The following LILRB2 variants were observed in gnomAD, a reference collection of about 807,000 sequenced individuals.
The protein encoded by LILRB2 is leukocyte immunoglobulin like receptor B2.
In LILRB2, 47 loss-of-function variants were observed where a neutral mutation model predicts 72.7. The ratio of observed to expected loss-of-function variants is 0.65; its 90% CI spans 0.51 to 0.82. The LOEUF (loss-of-function observed/expected upper bound fraction) is 0.82, where lower values mean the gene tolerates loss of function less well. Among genes scored for constraint, LILRB2 ranks in the 40% least tolerant of loss-of-function variants. The probability of loss-of-function intolerance (pLI) is 0.00; values close to 1 mark genes in which losing one functional copy is unlikely to be tolerated. For synonymous variants in LILRB2, 279 were observed against 313.7 expected (o/e 0.89, Z 1.17); for missense variants, 767 against 764.8 (o/e 1.00, Z -0.03).
At position 54,279,999 on chromosome 19, in the gene LILRB2, A is replaced by T. The variant is rs1377138677; in HGVS notation, c.147T>A (p.Cys49Ter). The change falls in exon 4 of 14, where the codon TGT becomes TGA. Residue 49 changes from cysteine (C) to a stop codon, truncating the protein, a stop_gained. Transcript: ENST00000314446. LOFTEE classifies it high-confidence loss of function. ...ACTCCTGGGCTTCAAGGCTCCCCTG[A>T]CAACTGAGGGTGACGGGACTCCCCT... ...ITQGSPVTLS[C>*]QGSLEAQEYR... The T allele has an allele frequency of 2.5e-6, 4 of 1,614,004 alleles. No individual in the cohort carries two copies. The highest frequency in any genetic ancestry group is 1.7e-5 in the Admixed American group (1 of 60,002).
chr19:54,275,940 C>T lies in LILRB2; in HGVS notation c.1647+11G>A, dbSNP rs375547293. ...AGGCCTTTGGTGCCTGGGACAGGGGCGGGGTCTCACCCGAGTGTCCATCTC... is the reference window on the plus strand; with the variant it reads ...AGGCCTTTGGTGCCTGGGACAGGGGTGGGGTCTCACCCGAGTGTCCATCTC... On this transcript the variant is annotated intron_variant, in intron 13 of 13. Transcript: ENST00000314446. 148 of 1,613,926 alleles carry T rather than the reference C, an allele frequency of 9.2e-5. No individual in the cohort carries two copies. Among genetic ancestry groups the T allele is most frequent in the South Asian group, 3.3e-4 (30 of 91,068 alleles).
Position 54,274,720 on chromosome 19 carries a change from G to T in LILRB2, c.1757C>A (p.Ala586Asp). 6.2e-7 allele frequency: 1 copy of T among 1,613,962 alleles called. No homozygotes were observed. Among genetic ancestry groups the T allele is most frequent in the Non-Finnish European group, 8.5e-7 (1 of 1,180,032 alleles). The change falls in exon 14 of 14, where the codon GCT becomes GAT. Residue 586 changes from alanine (A) to aspartate (D), a missense_variant. Physicochemically the swap from Ala to Asp is moderately radical, Grantham distance 126. Around this residue, in one of 3 missense-constraint regions of LILRB2, gnomAD observed 162 missense variants for 176.7 expected, o/e 0.92. Transcript: ENST00000314446. ...PPPSQEREPP[A>D]EPSIYATLAI... is the part of the protein sequence containing the mutation. The stretch of plus-strand genomic sequence containing the variant: ...CAGGGTGGCGTAGATGCTGGGCTCA[G>T]CTGGAGGTTCCCTTTCCTGGGATGG...
At position 54,280,725 on chromosome 19, in the gene LILRB2, C is replaced by A. The variant is rs183250360; in HGVS notation, c.-48-181G>T. 73 of 620,930 alleles carry A rather than the reference C, an allele frequency of 1.2e-4. No individual in the cohort carries two copies. In the Admixed American group the frequency reaches 1.7e-3, roughly 14 times the overall value. The allele number at this position is 620,930 out of a possible 1,614,324, so 38.5% of individuals were successfully genotyped here. On this transcript the variant is annotated intron_variant, in intron 1 of 13. Coordinates refer to ENST00000314446, the MANE Select transcript of LILRB2 (RefSeq NM_001080978.4). The stretch of plus-strand genomic sequence containing the variant: ...AGCTGAGGTGGGGGCAGGCACTGGG[C>A]CCTCTGCAGACATTTCAGACTGTAA...
rs2080494100 is a variant in LILRB2, at chr19:54,280,361, T to C, written c.35-62A>G. The C allele has an allele frequency of 8.7e-6, 14 of 1,613,950 alleles. No homozygotes were observed. In the Admixed American group the frequency reaches 1.7e-4, roughly 19 times the overall value. ...AAGCCTGAGCAGGTCCTCCCCTCCCTGGGATCTTTGTGAGCCCCTGGGGTC... is the reference window on the plus strand; with the variant it reads ...AAGCCTGAGCAGGTCCTCCCCTCCCCGGGATCTTTGTGAGCCCCTGGGGTC... On this transcript the variant is annotated intron_variant, in intron 2 of 13. Transcript: ENST00000314446.
At chr19:54,276,482 G>A (rs777874395) in intron 10 of LILRB2, 26 bp from the exon 11 acceptor site, 2 of 1,498,090 alleles carry the variant, frequency 1.3e-6, no homozygotes, top group South Asian at 1.2e-5. Context: ...CAGAGCCTCA[G>A]CCCTGGGAAC....
chr19:54,278,444 C>T lies in LILRB2; in HGVS notation c.1074G>A (p.Lys358=), dbSNP rs926993310. Residue 358 remains lysine, a synonymous_variant, in exon 7 of 14, where the codon AAG becomes AAA. Transcript: ENST00000314446. ...GGAGTGGGGCATCAGCTGCTCCCGC[C>T]TTGGTCAGAAGGAAAGTGTGGAACT... The part of the protein sequence containing the change: ...WRQFHTFLLT[K]AGAADAPLRL... 1 of 1,614,092 alleles carries T rather than the reference C, an allele frequency of 6.2e-7. No individual in the cohort carries two copies. The highest frequency in any genetic ancestry group is 8.5e-7 in the Non-Finnish European group (1 of 1,180,032).
chr19:54,280,190 T>G (rs2080483936), intron 3 of LILRB2, 74 bp downstream of exon 3: 1 of 1,612,380 alleles, frequency 6.2e-7, no homozygotes, highest in South Asian at 1.1e-5. Context: ...CTAATCCCCA[T>G]CCCCAGCTGC....
chr19:54,277,307 G>A (rs1398154377), intron 9 of LILRB2: 207 of 1,349,964 alleles, frequency 1.5e-4, no homozygotes, highest in Non-Finnish European at 2.0e-4. Context: ...AGGCCCCCGC[G>A]GAATCGAGTC....
At position 54,279,375 on chromosome 19, in the gene LILRB2, G is replaced by A; in HGVS notation, c.628C>T (p.Pro210Ser). 4 of 1,613,866 alleles carry A rather than the reference G, an allele frequency of 2.5e-6. No homozygotes were observed. The highest frequency in any genetic ancestry group is 1.7e-6 in the Non-Finnish European group (2 of 1,179,800). ...DLNSPYVWSS[P>S]SDLLELLVPG... ...ACCAGGAGCTCCAGGAGATCACTGG[G>A]TGAAGACCACACATAGGGAGAGTTC... is the stretch of plus-strand genomic sequence containing the variant. The change falls in exon 5 of 14, where the codon CCC becomes TCC. Residue 210 changes from proline to serine, a missense_variant. Transcript: ENST00000314446.
At position 54,281,067 on chromosome 19, in the gene LILRB2, T is replaced by G; in HGVS notation, c.-155A>C. The G allele has an allele frequency of 5.1e-6, 2 of 393,178 alleles. No homozygotes were observed. Among genetic ancestry groups the G allele is most frequent in the Non-Finnish European group, 9.9e-6 (2 of 202,184 alleles). 24.4% of individuals were successfully genotyped at this position (393,178 alleles called of 1,614,324 possible). On this transcript the variant is annotated 5_prime_UTR_variant, in exon 1 of 14. Coordinates refer to ENST00000314446, the MANE Select transcript of LILRB2 (RefSeq NM_001080978.4). ...AAGCATCTCGCCTCTGGCTGTGCTG[T>G]CCAGGTTGAGCTGTGTGTGGCAGTG... is the stretch of plus-strand genomic sequence containing the variant.
Position 54,280,274 on chromosome 19 carries a change from G to T in LILRB2, c.60C>A (p.Arg20=), listed in dbSNP as rs578081709. ...CLGLSLGPRT[R]VQTGTIPKPT... ...TGGGGACAGACTCACCTGTCTGCAC[G>T]CGGGTCCTGGGGCCCAGACTCAGCC... Residue 20 remains arginine (R), a synonymous_variant, in exon 3 of 14, where the codon CGC becomes CGA. Coordinates refer to ENST00000314446, the MANE Select transcript of LILRB2 (RefSeq NM_001080978.4). 3.1e-6 allele frequency: 5 copies of T among 1,614,068 alleles called. No individual in the cohort carries two copies. The highest frequency in any genetic ancestry group is 3.4e-6 in the Non-Finnish European group (4 of 1,179,990).
chr19:54,278,427 G>T lies in LILRB2; in HGVS notation c.1091C>A (p.Ala364Asp). The T allele has an allele frequency of 6.2e-7, 1 of 1,614,224 alleles. No homozygotes were observed. The highest frequency in any genetic ancestry group is 8.5e-7 in the Non-Finnish European group (1 of 1,180,022). Residue 364 changes from alanine (A) to aspartate (D), a missense_variant, in exon 7 of 14, where the codon GCC (alanine) becomes GAC (aspartate). Physicochemically the swap from Ala to Asp is moderately radical, Grantham distance 126. Coordinates refer to ENST00000314446, the MANE Select transcript of LILRB2 (RefSeq NM_001080978.4). Reference sequence around the variant, plus strand: ...GTGTATTGATCTTAGACGGAGTGGGGCATCAGCTGCTCCCGCCTTGGTCAG... The same window carrying T: ...GTGTATTGATCTTAGACGGAGTGGGTCATCAGCTGCTCCCGCCTTGGTCAG... The part of the protein sequence containing the change: ...FLLTKAGAAD[A>D]PLRLRSIHEY...
In LILRB2 at chr19:54,280,002, A is replaced by G. The variant is rs1445461449; in HGVS notation, c.144T>C (p.Ser48=). 4 of 1,613,476 alleles carry G rather than the reference A, an allele frequency of 2.5e-6. No individual in the cohort carries two copies. Among genetic ancestry groups the G allele is most frequent in the Non-Finnish European group, 3.4e-6 (4 of 1,179,884 alleles). ...CCTGGGCTTCAAGGCTCCCCTGACAACTGAGGGTGACGGGACTCCCCTGGG... is the reference window on the plus strand; with the variant it reads ...CCTGGGCTTCAAGGCTCCCCTGACAGCTGAGGGTGACGGGACTCCCCTGGG... ...VITQGSPVTL[S]CQGSLEAQEY... Residue 48 remains serine (S), a synonymous_variant, in exon 4 of 14, where the codon AGT becomes AGC. Coordinates refer to ENST00000314446, the MANE Select transcript of LILRB2 (RefSeq NM_001080978.4).
In LILRB2 at chr19:54,280,309, AG is replaced by A; in HGVS notation, c.35-11del. ...GGGCCCAGACTCAGCCCTGGAAGAGAGTTCCCTGTGAGGGATTTGCCCCCTG... is the reference window on the plus strand; with the variant it reads ...GGGCCCAGACTCAGCCCTGGAAGAGATTCCCTGTGAGGGATTTGCCCCCTG... On this transcript the variant is annotated splice_polypyrimidine_tract_variant and intron_variant, in intron 2 of 13. Transcript: ENST00000314446. The A allele has an allele frequency of 6.2e-7, 1 of 1,614,024 alleles. No homozygotes were observed. Among genetic ancestry groups the A allele is most frequent in the South Asian group, 1.1e-5 (1 of 91,082 alleles).
chr19:54,280,703 T>G, intron 1 of LILRB2, 159 bp from the exon 2 acceptor site: 3 of 890,312 alleles, frequency 3.4e-6, no homozygotes, highest in Non-Finnish European at 5.1e-6. Context: ...CTTTTAGAGC[T>G]GAGGTGGGGG....
intron 13 of LILRB2, chr19:54,275,150 C>A: frequency 1.3e-6 from 2 of 1,507,294 alleles, no homozygotes; most frequent in Non-Finnish European, 1.8e-6. Context: ...CGGGGTGATC[C>A]GATTACATCC....
Position 54,278,552 on chromosome 19 carries a change from A to G in LILRB2, c.966T>C (p.Arg322=), listed in dbSNP as rs139134770. The G allele has an allele frequency of 1.1e-4, 182 of 1,614,128 alleles. 1 individual carries two copies. The highest frequency in any genetic ancestry group is 4.3e-4 in the Admixed American group (26 of 60,024). The change falls in exon 7 of 14, where the codon CGT becomes CGC. Residue 322 remains arginine (R), a synonymous_variant. Coordinates refer to ENST00000314446, the MANE Select transcript of LILRB2 (RefSeq NM_001080978.4). ...GCTGCACTGAGATGAAGGGTGTGCC[A>G]CGGATCTGTCCTGGAGAGAAGAAGG... ...PLDILITGQI[R]GTPFISVQPG...
chr19:54,276,687 C>T (rs2080244508), intron 10 of LILRB2, 120 bp downstream of exon 10: 2 of 1,517,978 alleles, frequency 1.3e-6, no homozygotes, highest in Non-Finnish European at 1.8e-6. Context: ...CTCCATTCAC[C>T]TGGTGAGAAA....
At chr19:54,277,747 G>T (rs2080311637) in intron 8 of LILRB2, 142 bp downstream of exon 8, 17 of 1,313,770 alleles carry the variant, frequency 1.3e-5, no homozygotes, top group Non-Finnish European at 1.6e-5. Flanking sequence ...TGGGGACCCT[G>T]TGGCCCCTCC....
Sources: allele counts gnomAD v4.1 joint callset, GRCh38; gene constraint gnomAD v4.1.1; regional missense constraint gnomAD v4.1.1; transcripts MANE v1.5; gene names NCBI Gene and HGNC (gene_info 2026-07-23, HGNC 2026-07-21).